SH3RF3: variants seen among roughly 807,000 people sequenced by gnomAD.
SH3RF3 encodes SH3 domain containing ring finger 3.
A neutral mutation model predicts 66.3 loss-of-function variants in SH3RF3; 29 were observed. The ratio of observed to expected loss-of-function variants is 0.44; its 90% CI spans 0.33 to 0.60. The LOEUF is 0.60. SH3RF3 is among the 20% of genes least tolerant of loss of function. The pLI, the probability that SH3RF3 is intolerant of heterozygous loss-of-function variation, is 0.04. For synonymous variants in SH3RF3, 583 were observed against 532.0 expected (o/e 1.10, Z -1.32); for missense variants, 1,194 against 1,190.9 (o/e 1.00, Z -0.04).
chr2:109,330,230 C>T (rs866656125), intron 1 of SH3RF3, among the ~76,000 whole-genome samples: 3 of 152,204 alleles, frequency 2.0e-5, no homozygotes, highest in Non-Finnish European at 2.9e-5. Context: ...CTCCCCAACT[C>T]TGTGGGTTGC....
At chr2:109,242,042 C>T (rs1679796748) in intron 1 of SH3RF3, among the ~76,000 whole-genome samples, 1 of 152,056 alleles carries the variant, frequency 6.6e-6, no homozygotes, top group Non-Finnish European at 1.5e-5. Flanking sequence ...CTTCGTCCTG[C>T]AAGTGGCTGG....
At chr2:109,184,903 A>G (rs766187006) in intron 1 of SH3RF3, among the ~76,000 whole-genome samples, 14 of 152,264 alleles carry the variant, frequency 9.2e-5, no homozygotes, top group Non-Finnish European at 2.1e-4. Context: ...GGCCTCATCA[A>G]ACAACCAAGA....
At chr2:109,235,217 G>A (rs185964131) in intron 1 of SH3RF3, among the ~76,000 whole-genome samples, 4 of 152,270 alleles carry the variant, frequency 2.6e-5, no homozygotes, top group African/African-American at 2.4e-5. Context: ...TAAGGACAGC[G>A]AGCATGTAAA....
At chr2:109,212,712 A>G (rs1679017002) in intron 1 of SH3RF3, among the ~76,000 whole-genome samples, 1 of 152,226 alleles carries the variant, frequency 6.6e-6, no homozygotes, top group Non-Finnish European at 1.5e-5. Context: ...TAATTGTTGT[A>G]TAATAAAGAC....
chr2:109,352,403 G>A (rs1424590404), intron 2 of SH3RF3, among the ~76,000 whole-genome samples: 2 of 152,184 alleles, frequency 1.3e-5, no homozygotes, highest in Non-Finnish European at 1.5e-5. Context: ...ATTGCCTGGG[G>A]GTAGCGGAGC....
At chr2:109,188,047 C>T (rs1245005963) in intron 1 of SH3RF3, among the ~76,000 whole-genome samples, 3 of 152,232 alleles carry the variant, frequency 2.0e-5, no homozygotes, top group African/African-American at 7.2e-5. Context: ...CACCGGCTTG[C>T]AGCCCACCCC....
intron 8 of SH3RF3, among the ~76,000 whole-genome samples, chr2:109,455,234 G>A (rs1412313711): frequency 6.6e-6 from 1 of 152,160 alleles, no homozygotes; most frequent in Non-Finnish European, 1.5e-5. Flanking sequence ...GGTAGCGGCT[G>A]GCAGGAGACC....
intron 1 of SH3RF3, among the ~76,000 whole-genome samples, chr2:109,143,998 C>T (rs1490070940): frequency 6.6e-6 from 1 of 152,158 alleles, no homozygotes; most frequent in Admixed American, 6.5e-5. Context: ...AATCTAAAAA[C>T]ACTGAATTCA....
At chr2:109,162,627 T>C (rs1218589850) in intron 1 of SH3RF3, among the ~76,000 whole-genome samples, 5 of 152,186 alleles carry the variant, frequency 3.3e-5, no homozygotes, top group Admixed American at 3.3e-4. Flanking sequence ...AGTCTATCAT[T>C]GTTGGACATT....
intron 1 of SH3RF3, among the ~76,000 whole-genome samples, chr2:109,191,618 T>C (rs1248422880): frequency 6.6e-6 from 1 of 152,084 alleles, no homozygotes; most frequent in Admixed American, 6.6e-5. Context: ...ATGAAGAAAG[T>C]GGAATTGCAG....
Position 109,233,435 on chromosome 2 carries a change from C to G in SH3RF3, c.573+103322C>G, listed in dbSNP as rs545768808. On this transcript the variant is annotated intron_variant, in intron 1 of 9. Transcript: ENST00000309415. The stretch of plus-strand genomic sequence containing the variant: ...CTTTCAATGTTCAGACACTTCGTGT[C>G]TTCCCTCCTCTGCTGCACTGCTCTA... Among the ~76,000 whole-genome samples, 55 of 152,318 alleles carry G rather than the reference C, an allele frequency of 3.6e-4. No homozygotes were observed. The South Asian group carries it at 9.9e-3, about 28-fold the overall frequency.
At chr2:109,230,046 G>A (rs1018822502) in intron 1 of SH3RF3, among the ~76,000 whole-genome samples, 3 of 151,674 alleles carry the variant, frequency 2.0e-5, no homozygotes, top group Non-Finnish European at 2.9e-5. Flanking sequence ...GGATGGTCTC[G>A]ATCTCTTGAC....
intron 1 of SH3RF3, among the ~76,000 whole-genome samples, chr2:109,263,026 G>C (rs1234125480): frequency 6.6e-6 from 1 of 151,308 alleles, no homozygotes; most frequent in Non-Finnish European, 1.5e-5. Context: ...TTGTATTTTT[G>C]GTAGAGACAG....
At chr2:109,250,548 T>C (rs988742635) in intron 1 of SH3RF3, among the ~76,000 whole-genome samples, 4 of 152,018 alleles carry the variant, frequency 2.6e-5, no homozygotes, top group Non-Finnish European at 5.9e-5. Context: ...TTGACCGTTT[T>C]TCTTTTTCAA....
chr2:109,288,655 T>G (rs1681094049), intron 1 of SH3RF3, among the ~76,000 whole-genome samples: 1 of 152,240 alleles, frequency 6.6e-6, no homozygotes, highest in Non-Finnish European at 1.5e-5. Flanking sequence ...GACTGACTTC[T>G]TTTCACTCAA....
At chr2:109,260,445 G>A (rs1183335802) in intron 1 of SH3RF3, among the ~76,000 whole-genome samples, 1 of 152,216 alleles carries the variant, frequency 6.6e-6, no homozygotes, top group African/African-American at 2.4e-5. Flanking sequence ...AGAGAAAGGT[G>A]GAGAAAGCAT....
intron 1 of SH3RF3, among the ~76,000 whole-genome samples, chr2:109,327,978 CA>C: frequency 6.6e-6 from 1 of 152,342 alleles, no homozygotes; most frequent in South Asian, 2.1e-4. Flanking sequence ...TATCCAGCAT[CA>C]GCAGCTGTCA....
At chr2:109,489,755 G>GA (rs1172175741) in intron 8 of SH3RF3, among the ~76,000 whole-genome samples, 10 of 122,606 alleles carry the variant, frequency 8.2e-5, no homozygotes, top group Non-Finnish European at 1.5e-4. Context: ...GGTGGGCGGG[G>GA]GGGACGGAGT....
At chr2:109,364,215 A>G (rs902011249) in intron 2 of SH3RF3, among the ~76,000 whole-genome samples, 2 of 136,136 alleles carry the variant, frequency 1.5e-5, no homozygotes, top group African/African-American at 2.8e-5. Flanking sequence ...GGAGGTTTCT[A>G]TTGAGATATC....
Sources: gnomAD v4.1 joint callset for allele counts (sites outside exome capture counted in the v4.1 genomes callset) on GRCh38, gnomAD v4.1.1 for gene constraint, MANE v1.5 for transcripts, NCBI Gene and HGNC (gene_info 2026-07-23, HGNC 2026-07-21) for gene names.